Variants in DYNC1I1 observed in about 807,000 individuals in gnomAD.
DYNC1I1 encodes the protein dynein cytoplasmic 1 intermediate chain 1.
Under a neutral mutation model 86.6 loss-of-function variants are expected in DYNC1I1, and 43 were observed. The observed-to-expected ratio is 0.50, with a 90% CI of 0.39 to 0.64. DYNC1I1 has a LOEUF of 0.64. DYNC1I1 is among the 30% of genes least tolerant of loss of function. DYNC1I1 has a pLI of 0.00. For synonymous variants in DYNC1I1, 262 were observed against 283.7 expected (o/e 0.92, Z 0.77); for missense variants, 604 against 788.8 (o/e 0.77, Z 2.81).
At chr7:96,025,662 T>C (rs1191841847) in intron 10 of DYNC1I1, among the ~76,000 whole-genome samples, 3 of 152,158 alleles carry the variant, frequency 2.0e-5, no homozygotes, top group Non-Finnish European at 4.4e-5. Context: ...TGGTGGTAAG[T>C]GTTGGATGAA....
intron 3 of DYNC1I1, 46 bp from the exon 4 acceptor site, chr7:95,813,201 C>A (rs759479007): frequency 6.2e-7 from 1 of 1,612,020 alleles, no homozygotes; most frequent in South Asian, 1.1e-5. Context: ...ACCAGTGCAG[C>A]CGCTGCATTT....
At chr7:96,007,469 C>T (rs1794168968) in intron 10 of DYNC1I1, among the ~76,000 whole-genome samples, 1 of 152,102 alleles carries the variant, frequency 6.6e-6, no homozygotes, top group East Asian at 1.9e-4. Context: ...AATATAGTTC[C>T]TGTTTTATAT....
intron 1 of DYNC1I1, among the ~76,000 whole-genome samples, chr7:95,791,224 T>C (rs558409995): frequency 7.2e-4 from 110 of 152,328 alleles, no homozygotes; most frequent in African/African-American, 2.4e-3. Flanking sequence ...TAGTTTAAAT[T>C]TGTGCTCACT....
At chr7:96,007,161 A>C (rs770468471) in intron 10 of DYNC1I1, among the ~76,000 whole-genome samples, 16 of 152,212 alleles carry the variant, frequency 1.1e-4, no homozygotes, top group Non-Finnish European at 1.6e-4. Context: ...TGTTCTGTTA[A>C]AATTTCACTA....
intron 6 of DYNC1I1, among the ~76,000 whole-genome samples, chr7:95,892,855 A>G (rs1790779871): frequency 6.6e-6 from 1 of 152,032 alleles, no homozygotes; most frequent in African/African-American, 2.4e-5. Flanking sequence ...GCCCAATACC[A>G]TTTCATGAGT....
intron 4 of DYNC1I1, among the ~76,000 whole-genome samples, chr7:95,816,994 C>T (rs995903145): frequency 3.3e-5 from 5 of 152,150 alleles, no homozygotes; most frequent in East Asian, 1.9e-4. Flanking sequence ...TCCTGAAGAA[C>T]GGCTTTTGTT....
intron 16 of DYNC1I1, among the ~76,000 whole-genome samples, chr7:96,108,089 A>C (rs1055468486): frequency 6.6e-6 from 1 of 152,046 alleles, no homozygotes; most frequent in Non-Finnish European, 1.5e-5. Context: ...GTATGATATA[A>C]GCTATAGGCT....
chr7:96,053,647 G>T (rs964352324), intron 14 of DYNC1I1, among the ~76,000 whole-genome samples: 1 of 152,112 alleles, frequency 6.6e-6, no homozygotes, highest in Non-Finnish European at 1.5e-5. Context: ...TAGATCTCAG[G>T]AAAGTATGTG....
rs34423655 is a variant in DYNC1I1 at position 96,065,378 on chromosome 7, C to CTTT, written c.1510-10664_1510-10662dup. Reference sequence around the variant, plus strand: ...CACTCTTTTCTTTTTTTCTTTCTTTCTTTTTTTTTTTTTTTTTGAGACAGG... The same window carrying CTTT: ...CACTCTTTTCTTTTTTTCTTTCTTTCTTTTTTTTTTTTTTTTTTTTGAGACAGG... On this transcript the variant is annotated intron_variant, in intron 14 of 16. Transcript: ENST00000447467. 1.8e-3 allele frequency among the ~76,000 whole-genome samples: 224 copies of CTTT among 127,572 alleles called. 5 individuals carry two copies. The highest frequency in any genetic ancestry group is 4.7e-3 in the African/African-American group (158 of 33,556). The allele number at this position is 127,572 out of a possible 152,430, so 83.7% of individuals were successfully genotyped here. A position where few individuals can be genotyped will look rare whatever the true frequency, so the allele number is the denominator to read the frequency against.
At chr7:95,808,670 T>G (rs867635198) in intron 2 of DYNC1I1, among the ~76,000 whole-genome samples, 4 of 152,174 alleles carry the variant, frequency 2.6e-5, no homozygotes, top group Non-Finnish European at 5.9e-5. Context: ...GTTTCTCTAA[T>G]AAATGTGGAA....
intron 16 of DYNC1I1, among the ~76,000 whole-genome samples, chr7:96,093,034 T>C (rs1298688409): frequency 1.3e-5 from 2 of 152,104 alleles, no homozygotes; most frequent in Non-Finnish European, 2.9e-5. Context: ...TAAAGAAAGG[T>C]CTACGCCCTG....
At chr7:95,806,826 C>T (rs1794712140) in intron 2 of DYNC1I1, among the ~76,000 whole-genome samples, 1 of 152,158 alleles carries the variant, frequency 6.6e-6, no homozygotes, top group Non-Finnish European at 1.5e-5. Context: ...TCCATGCACT[C>T]TCTGCAACTG....
At chr7:95,845,367 C>G (rs1789398004) in intron 5 of DYNC1I1, among the ~76,000 whole-genome samples, 1 of 152,182 alleles carries the variant, frequency 6.6e-6, no homozygotes, top group South Asian at 2.1e-4. Flanking sequence ...TAGGAAAGTT[C>G]TAGAGGTCTT....
At chr7:95,884,522 T>A (rs763488008) in intron 6 of DYNC1I1, among the ~76,000 whole-genome samples, 1 of 151,634 alleles carries the variant, frequency 6.6e-6, no homozygotes, top group Non-Finnish European at 1.5e-5. Context: ...GAACTTTCCA[T>A]GGGAAGAGAG....
At chr7:95,908,508 A>G (rs554577157) in intron 6 of DYNC1I1, among the ~76,000 whole-genome samples, 3 of 152,344 alleles carry the variant, frequency 2.0e-5, no homozygotes, top group African/African-American at 7.2e-5. Context: ...CATGATGCTC[A>G]TAATACACCA....
chr7:96,051,250 G>A (rs1789396575), intron 14 of DYNC1I1, among the ~76,000 whole-genome samples: 1 of 152,058 alleles, frequency 6.6e-6, no homozygotes, highest in Admixed American at 6.6e-5. Flanking sequence ...GGGGATTTAG[G>A]TTCATGATAC....
intron 4 of DYNC1I1, among the ~76,000 whole-genome samples, chr7:95,820,422 T>A (rs982105415): frequency 2.0e-5 from 3 of 152,254 alleles, no homozygotes; most frequent in Non-Finnish European, 2.9e-5. Context: ...TATTTAGCGA[T>A]GGCATTGACT....
intron 14 of DYNC1I1, among the ~76,000 whole-genome samples, chr7:96,064,604 C>T (rs1288524493): frequency 6.7e-6 from 1 of 149,752 alleles, no homozygotes; most frequent in Non-Finnish European, 1.5e-5. Flanking sequence ...AGGTTCTGAA[C>T]CAAGGTAACA....
At position 96,080,446 on chromosome 7, in the gene DYNC1I1, T is replaced by G; in HGVS notation, c.1734T>G (p.Val578=). Residue 578 remains valine (V), a synonymous_variant, in exon 16 of 17, where the codon GTT becomes GTG. Transcript: ENST00000447467. ...RWAQAGKEVA[V]GDSEGRIWVY... ...CCCAAGCTGGCAAAGAAGTTGCTGT[T>G]GGGGACTCGGAAGGCCGTATTTGGG... 5 of 1,614,188 alleles carry G rather than the reference T, an allele frequency of 3.1e-6. No homozygotes were observed. Among genetic ancestry groups the G allele is most frequent in the Non-Finnish European group, 3.4e-6 (4 of 1,180,022 alleles).
Sources: allele counts gnomAD v4.1 joint callset (sites outside exome capture counted in the v4.1 genomes callset), GRCh38; gene constraint gnomAD v4.1.1; transcripts MANE v1.5; gene names NCBI Gene and HGNC (gene_info 2026-07-23, HGNC 2026-07-21).